PRRC2B: variants seen among roughly 807,000 people sequenced by gnomAD.
The protein encoded by PRRC2B is protein PRRC2B.
PRRC2B carries 68 observed loss-of-function variants against 242.3 expected under a neutral mutation model. That is an observed-to-expected ratio of 0.28 (90% confidence interval 0.23 to 0.34). The LOEUF (loss-of-function observed/expected upper bound fraction) is 0.34. PRRC2B is among the 10% of genes least tolerant of loss of function. The pLI is 1.00. For synonymous variants in PRRC2B, 1,228 were observed against 1,173.6 expected, an observed-to-expected ratio of 1.05 and a Z score of -0.95; for missense variants, 2,835 against 2,954.8, an observed-to-expected ratio of 0.96 and a Z score of 0.94.
At chr9:131,433,074 C>T (rs1838233744) in intron 3 of PRRC2B, among the ~76,000 whole-genome samples, 1 of 152,162 alleles carries the variant, frequency 6.6e-6, no homozygotes, top group Admixed American at 6.5e-5. Flanking sequence ...TCCCCCTGTG[C>T]CTTATTAGGA....
rs372626601 is a variant in PRRC2B, at chr9:131,473,679, C to T, written c.2279C>T (p.Pro760Leu). 30 of 1,613,644 alleles carry T rather than the reference C, an allele frequency of 1.9e-5. No homozygotes were observed. Among genetic ancestry groups the T allele is most frequent in the South Asian group, 2.2e-5 (2 of 91,060 alleles). ...MALQSKGYPL[P>L]HPKSSDTLAM... ...CTGCAGAGCAAGGGCTACCCGCTCC[C>T]GCACCCGAAGTCGAGTGACACCTTG... The change falls in exon 15 of 32, where the codon CCG becomes CTG. Residue 760 changes from proline (P) to leucine (L), a missense_variant. By Grantham distance (98) the Pro-to-Leu change is moderately conservative. Around this residue, in one of 7 missense-constraint regions of PRRC2B, gnomAD observed 1,536 missense variants for 1,483.1 expected, o/e 1.04. Transcript: ENST00000683519.
At chr9:131,397,026 T>G (rs1276171196) in intron 1 of PRRC2B, among the ~76,000 whole-genome samples, 1 of 152,142 alleles carries the variant, frequency 6.6e-6, no homozygotes, top group Non-Finnish European at 1.5e-5. Flanking sequence ...TGGCACCCCC[T>G]CCAGACCTCC....
chr9:131,480,957 G>A (rs1005228232), intron 19 of PRRC2B, among the ~76,000 whole-genome samples: 5 of 151,728 alleles, frequency 3.3e-5, no homozygotes, highest in Non-Finnish European at 7.4e-5. Context: ...GATCACTTGA[G>A]ATCAGGAGTT....
rs373198606 is a variant in PRRC2B at position 131,474,791 on chromosome 9, C to T, written c.2662C>T (p.Arg888Trp). Residue 888 changes from arginine to tryptophan, a missense_variant, in exon 16 of 32, where the codon CGG becomes TGG. Physicochemically the swap from Arg to Trp is moderately radical, Grantham distance 101. Coordinates refer to ENST00000683519, the MANE Select transcript of PRRC2B (RefSeq NM_013318.4). ...ETADTAHGVERETPREGTAFN... is the reference protein window; with the variant it reads ...ETADTAHGVEWETPREGTAFN... ...CGCTGACACAGCCCATGGTGTTGAG[C>T]GGGAGACACCCCGGGAGGGGACGGC... The T allele has an allele frequency of 5.6e-5, 91 of 1,612,486 alleles. No homozygotes were observed. The African/African-American group carries it at 1.0e-3, about 18-fold the overall frequency.
At chr9:131,422,669 C>T (rs1485048296) in intron 1 of PRRC2B, among the ~76,000 whole-genome samples, 2 of 152,192 alleles carry the variant, frequency 1.3e-5, no homozygotes, top group Non-Finnish European at 2.9e-5. Context: ...CAGAGATGTT[C>T]CCTCTGGTGG....
chr9:131,488,235 C>A, intron 28 of PRRC2B, 139 bp downstream of exon 28: 2 of 1,190,806 alleles, frequency 1.7e-6, no homozygotes, highest in Non-Finnish European at 2.3e-6. Context: ...CCTCAGCGTG[C>A]AGGAAATCAG....
intron 20 of PRRC2B, 101 bp downstream of exon 20, chr9:131,481,909 C>A (rs1006588422): frequency 1.9e-6 from 2 of 1,046,376 alleles, no homozygotes; most frequent in Admixed American, 2.0e-5. Flanking sequence ...CAAGCCCCTG[C>A]CACAGCAGCT....
At chr9:131,381,104 CCTT>C (rs1836754218) in intron 1 of PRRC2B, among the ~76,000 whole-genome samples, 4 of 152,096 alleles carry the variant, frequency 2.6e-5, no homozygotes, top group African/African-American at 4.8e-5. Flanking sequence ...CAATGACCCT[CCTT>C]CATCCTACCC....
intron 1 of PRRC2B, among the ~76,000 whole-genome samples, chr9:131,420,497 T>TCTTTTCTTTTCTTTTC (rs72209206): frequency 6.1e-5 from 1 of 16,432 alleles, no homozygotes; most frequent in African/African-American, 1.4e-4. Flanking sequence ...TTCTTTCTTT[T>TCTTTTCTTTTCTTTTC]TTTTTTTTTT....
chr9:131,430,077 C>A lies in PRRC2B; in HGVS notation c.-51-17C>A, dbSNP rs903967315. 1.4e-3 allele frequency: 548 copies of A among 383,832 alleles called. No individual in the cohort carries two copies. The highest frequency in any genetic ancestry group is 1.8e-3 in the East Asian group (37 of 20,458). 23.8% of individuals were successfully genotyped at this position (383,832 alleles called of 1,614,324 possible). On this transcript the variant is annotated splice_polypyrimidine_tract_variant and intron_variant, in intron 1 of 31. Transcript: ENST00000683519. ...TTCTCTCTCTTTTTTTTTTTTTCTT[C>A]TCTATTTCAAAGGCAGATCGGGAGC...
At chr9:131,417,226 TTGTC>T (rs1336513201) in intron 1 of PRRC2B, among the ~76,000 whole-genome samples, 1 of 152,110 alleles carries the variant, frequency 6.6e-6, no homozygotes, top group African/African-American at 2.4e-5. Context: ...GGTGTGGTGT[TTGTC>T]TGCTGCCCTC....
chr9:131,383,599 T>TC (rs1185170412), intron 1 of PRRC2B, among the ~76,000 whole-genome samples: 1 of 97,246 alleles, frequency 1.0e-5, no homozygotes, highest in Non-Finnish European at 2.2e-5. Context: ...TTTTGGTTTC[T>TC]CTTTTTTTTT....
rs923355119 is a variant in PRRC2B, at chr9:131,476,599, C to G, written c.4406+64C>G. The G allele has an allele frequency of 2.8e-6, 4 of 1,449,820 alleles. No homozygotes were observed. The South Asian group carries it at 4.2e-5, about 15-fold the overall frequency. 89.8% of individuals were successfully genotyped at this position (1,449,820 alleles called of 1,614,324 possible). A position where few individuals can be genotyped will look rare whatever the true frequency, so the allele number is the denominator to read the frequency against. ...GTTCTGTTCTCAGCAGCACTGAGTT[C>G]ACGCATGCATGCCGATGCCGCCGTG... On this transcript the variant is annotated intron_variant, in intron 16 of 31. Coordinates refer to ENST00000683519, the MANE Select transcript of PRRC2B (RefSeq NM_013318.4).
chr9:131,478,649 G>GGGGGGGGGGGGGGGGGCCCAGGGGC, intron 18 of PRRC2B, 30 bp downstream of exon 18: 1 of 504,562 alleles, frequency 2.0e-6, no homozygotes, highest in South Asian at 1.5e-5. Context: ...GGGGCATGGG[G>GGGGGGGGGGGGGGGGGCCCAGGGGC]CTGGAGGGCA....
intron 1 of PRRC2B, among the ~76,000 whole-genome samples, chr9:131,397,808 C>G (rs1837111710): frequency 1.3e-5 from 2 of 151,988 alleles, no homozygotes. Flanking sequence ...TAAATAGAGC[C>G]TATCTATACT....
At position 131,442,120 on chromosome 9, in the gene PRRC2B, C is replaced by CT. The variant is rs576145724; in HGVS notation, c.470-2056dup. ...GTTTTTTTCCTAATTTCAAATCTAC[C>CT]TTTTTTTTTGTTTGTTTGTTTGTTT... On this transcript the variant is annotated intron_variant, in intron 5 of 31. Coordinates refer to ENST00000683519, the MANE Select transcript of PRRC2B (RefSeq NM_013318.4). Among the ~76,000 whole-genome samples, 314 of 150,942 alleles carry CT rather than the reference C, an allele frequency of 2.1e-3. 1 individual carries two copies. Among genetic ancestry groups the CT allele is most frequent in the South Asian group, 0.012 (58 of 4,748 alleles).
chr9:131,422,712 A>G (rs1564279285), intron 1 of PRRC2B, among the ~76,000 whole-genome samples: 1 of 152,220 alleles, frequency 6.6e-6, no homozygotes, highest in Non-Finnish European at 1.5e-5. Context: ...ACAGGCGGGC[A>G]CTGTCTGGAG....
chr9:131,385,854 C>T (rs1424031800), intron 1 of PRRC2B, among the ~76,000 whole-genome samples: 2 of 150,040 alleles, frequency 1.3e-5, no homozygotes, highest in African/African-American at 2.4e-5. Flanking sequence ...CCACCACGCC[C>T]GGCTAATCTT....
In PRRC2B at chr9:131,476,079, G is replaced by T; in HGVS notation, c.3950G>T (p.Arg1317Leu). Residue 1317 changes from arginine to leucine, a missense_variant, in exon 16 of 32, where the codon CGG (arginine) becomes CTG (leucine). Arg to Leu is a moderately radical substitution (Grantham distance 102). This residue lies in a region of PRRC2B where 1,536 missense variants were observed against 1,483.1 expected (regional missense o/e 1.04). Coordinates refer to ENST00000683519, the MANE Select transcript of PRRC2B (RefSeq NM_013318.4). ...QDKPPRFRRLRQERESLGLWG... is the reference protein window; with the variant it reads ...QDKPPRFRRLLQERESLGLWG... ...AAGCCCCCTCGATTCCGGCGCCTCC[G>T]GCAAGAGCGGGAGTCCCTGGGCCTG... 6.2e-7 allele frequency: 1 copy of T among 1,607,574 alleles called. No homozygotes were observed. Among genetic ancestry groups the T allele is most frequent in the Non-Finnish European group, 8.5e-7 (1 of 1,175,988 alleles).
Sources: gnomAD v4.1 joint callset for allele counts (sites outside exome capture counted in the v4.1 genomes callset) on GRCh38, gnomAD v4.1.1 for gene constraint, gnomAD v4.1.1 regional missense constraint, MANE v1.5 for transcripts, NCBI Gene and HGNC (gene_info 2026-07-23, HGNC 2026-07-21) for gene names.